The following RAD51B variants were observed in gnomAD, a reference collection of about 807,000 sequenced individuals.
RAD51B encodes the protein DNA repair protein RAD51 homolog 2.
A neutral mutation model predicts 42.2 loss-of-function variants in RAD51B; 38 were observed. The observed-to-expected ratio is 0.90, with a 90% confidence interval of 0.70 to 1.18. The LOEUF (loss-of-function observed/expected upper bound fraction) is 1.18, where lower values mean the gene tolerates loss of function less well. Ranked by LOEUF, RAD51B falls within the 50% of genes most tolerant of loss-of-function variation. The probability of loss-of-function intolerance (pLI) is 0.00; values close to 1 mark genes in which losing one functional copy is unlikely to be tolerated. For missense variants in RAD51B, 373 were observed against 400.7 expected (o/e 0.93, Z 0.59); for synonymous variants, 154 against 145.2 (o/e 1.06, Z -0.43).
At chr14:68,474,919 C>T (rs945956137) in intron 10 of RAD51B, among the ~76,000 whole-genome samples, 3 of 152,232 alleles carry the variant, frequency 2.0e-5, no homozygotes, top group Non-Finnish European at 4.4e-5. Context: ...AGGAGGAATG[C>T]AGTCCAGAGC....
At chr14:68,421,628 G>C in intron 9 of RAD51B, 1 of 1,232,716 alleles carries the variant, frequency 8.1e-7, no homozygotes, top group African/African-American at 1.5e-5. Context: ...GCGAGCAAAC[G>C]GGGTGGAGGG....
intron 10 of RAD51B, among the ~76,000 whole-genome samples, chr14:68,550,331 C>T (rs1380514734): frequency 6.6e-6 from 1 of 152,138 alleles, no homozygotes; most frequent in African/African-American, 2.4e-5. Context: ...TGTTGGGGGA[C>T]CTTAAGTGAT....
chr14:68,416,387 A>C (rs762836134), intron 9 of RAD51B, among the ~76,000 whole-genome samples: 1 of 152,142 alleles, frequency 6.6e-6, no homozygotes, highest in Non-Finnish European at 1.5e-5. Flanking sequence ...GCCCTGAATT[A>C]TGAGCCCCTT....
chr14:68,640,189 T>G (rs552521636), intron 10 of RAD51B, among the ~76,000 whole-genome samples: 1 of 151,794 alleles, frequency 6.6e-6, no homozygotes, highest in South Asian at 2.1e-4. Context: ...TGTGATGACA[T>G]TAGCTTTACC....
chr14:68,616,496 G>T (rs146420906), downstream of RAD51B, among the ~76,000 whole-genome samples: 1,634 of 152,072 alleles, frequency 0.011, 23 homozygotes, highest in African/African-American at 0.036. Context: ...GCTTTTTTCA[G>T]ACTACTTTTA....
At chr14:68,679,449 A>G (rs1031847925) in intron 11 of RAD51B, among the ~76,000 whole-genome samples, 2 of 152,216 alleles carry the variant, frequency 1.3e-5, no homozygotes, top group African/African-American at 4.8e-5. Context: ...CCTTGGGCAA[A>G]CTACTTTACC....
chr14:68,317,354 G>T (rs1016373624), intron 8 of RAD51B, among the ~76,000 whole-genome samples: 3 of 152,168 alleles, frequency 2.0e-5, no homozygotes, highest in Admixed American at 6.5e-5. Flanking sequence ...GTTAGGTACT[G>T]CAGACACATG....
At chr14:68,672,076 T>C (rs1001213821) in intron 11 of RAD51B, among the ~76,000 whole-genome samples, 7 of 152,186 alleles carry the variant, frequency 4.6e-5, no homozygotes, top group Non-Finnish European at 8.8e-5. Flanking sequence ...CAGGTGATGA[T>C]AATGGTATTT....
At chr14:68,256,588 G>C (rs186627831) in intron 7 of RAD51B, among the ~76,000 whole-genome samples, 1 of 152,124 alleles carries the variant, frequency 6.6e-6, no homozygotes, top group Non-Finnish European at 1.5e-5. Flanking sequence ...ACACTGCTTG[G>C]TTGATCTGTC....
chr14:68,239,295 C>A (rs1289483877), intron 7 of RAD51B, among the ~76,000 whole-genome samples: 1 of 152,186 alleles, frequency 6.6e-6, no homozygotes, highest in Non-Finnish European at 1.5e-5. Context: ...GTCACCAATA[C>A]CAGCACAGCC....
downstream of RAD51B, among the ~76,000 whole-genome samples, chr14:68,612,729 A>G (rs1185196159): frequency 6.6e-6 from 1 of 152,128 alleles, no homozygotes; most frequent in Non-Finnish European, 1.5e-5. Flanking sequence ...AATGTACTTA[A>G]CACCCCTAAA....
intron 7 of RAD51B, among the ~76,000 whole-genome samples, chr14:68,275,094 T>C: frequency 6.6e-6 from 1 of 152,206 alleles, no homozygotes; most frequent in Admixed American, 6.5e-5. Flanking sequence ...CCATTGATGA[T>C]CATTGCCTAG....
intron 10 of RAD51B, among the ~76,000 whole-genome samples, chr14:68,495,756 CT>C (rs967619198): frequency 3.3e-5 from 5 of 152,114 alleles, no homozygotes; most frequent in Admixed American, 2.0e-4. Flanking sequence ...GCTCTGAGGC[CT>C]TGACTAGGTG....
At chr14:67,941,961 C>T (rs1029069405) in intron 7 of RAD51B, among the ~76,000 whole-genome samples, 1 of 152,176 alleles carries the variant, frequency 6.6e-6, no homozygotes, top group Non-Finnish European at 1.5e-5. Flanking sequence ...TTCTCTTGTT[C>T]AGAGTACAGA....
At chr14:68,554,150 G>A (rs1888713977) in intron 10 of RAD51B, among the ~76,000 whole-genome samples, 1 of 152,186 alleles carries the variant, frequency 6.6e-6, no homozygotes, top group Non-Finnish European at 1.5e-5. Context: ...GTTGACTGTA[G>A]AGTCAGGCTC....
chr14:67,955,350 A>G (rs546728254), intron 7 of RAD51B, among the ~76,000 whole-genome samples: 2 of 152,330 alleles, frequency 1.3e-5, no homozygotes, highest in East Asian at 3.9e-4. Flanking sequence ...AAAAGCCAAT[A>G]TGCACTTAGG....
chr14:68,128,464 A>T (rs1419099852), intron 7 of RAD51B, among the ~76,000 whole-genome samples: 1 of 152,110 alleles, frequency 6.6e-6, no homozygotes, highest in East Asian at 1.9e-4. Context: ...GCCAAGGTGG[A>T]TGGATCACTT....
chr14:68,005,852 C>T (rs906329116), intron 7 of RAD51B, among the ~76,000 whole-genome samples: 1 of 152,142 alleles, frequency 6.6e-6, no homozygotes, highest in African/African-American at 2.4e-5. Flanking sequence ...ATAACGGCTT[C>T]TGGGGAGGCC....
intron 7 of RAD51B, among the ~76,000 whole-genome samples, chr14:68,170,406 G>A (rs961305103): frequency 9.2e-5 from 14 of 152,154 alleles, no homozygotes; most frequent in Non-Finnish European, 1.8e-4. Context: ...GAAAGATTGG[G>A]CAGGGGAAGT....
Sources: allele counts gnomAD v4.1 joint callset (sites outside exome capture counted in the v4.1 genomes callset), GRCh38; gene constraint gnomAD v4.1.1; transcripts MANE v1.5; gene names NCBI Gene and HGNC (gene_info 2026-07-23, HGNC 2026-07-21).